Variants in RIMS1 observed in about 807,000 individuals in gnomAD.
RIMS1 encodes regulating synaptic membrane exocytosis protein 1.
Under a neutral mutation model 214.1 loss-of-function variants are expected in RIMS1, and 83 were observed. The observed-to-expected ratio is 0.39, with a 90% CI of 0.32 to 0.47. RIMS1 has a LOEUF of 0.47. RIMS1 is among the 20% of genes least tolerant of loss of function. The pLI is 0.99. For synonymous variants in RIMS1, 793 were observed against 786.8 expected (o/e 1.01, Z -0.13); for missense variants, 2,050 against 2,161.8 (o/e 0.95, Z 1.03).
At chr6:71,900,689 A>G (rs1393875373) in intron 1 of RIMS1, among the ~76,000 whole-genome samples, 1 of 152,088 alleles carries the variant, frequency 6.6e-6, no homozygotes, top group Non-Finnish European at 1.5e-5. Context: ...AAGTTTTGGG[A>G]GTATCTGGAG....
In RIMS1 at chr6:72,038,407, A is replaced by G. The variant is rs144473984; in HGVS notation, c.246-58542A>G. ...AAAATCTTTGGGAAAACAGTTTTTC[A>G]TAATTCAGTGCAATGTTTAAAGATA... On this transcript the variant is annotated intron_variant, in intron 2 of 33. Transcript: ENST00000521978. Among the ~76,000 whole-genome samples, 23 of 152,152 alleles carry G rather than the reference A, an allele frequency of 1.5e-4. No homozygotes were observed. The East Asian group carries it at 3.9e-3, about 26-fold the overall frequency.
chr6:72,111,027 A>C lies in RIMS1; in HGVS notation c.471+11041A>C, dbSNP rs79324044. On this transcript the variant is annotated intron_variant, in intron 4 of 33. Transcript: ENST00000521978. ...CTTCTTGTGTTTCCACCTCAAAACT[A>C]TTCTTTAAAAAGCAAAGTAATTTTG... Among the ~76,000 whole-genome samples the C allele has an allele frequency of 1.5e-4, 23 of 152,336 alleles. No homozygotes were observed. In the East Asian group the frequency reaches 2.9e-3, roughly 19 times the overall value.
chr6:72,393,795 G>A (rs2098739581), intron 31 of RIMS1, among the ~76,000 whole-genome samples: 1 of 151,990 alleles, frequency 6.6e-6, no homozygotes, highest in Non-Finnish European at 1.5e-5. Flanking sequence ...CAATATACTG[G>A]AAGCCAGAAG....
At chr6:72,397,791 C>A (rs2098796237) in intron 31 of RIMS1, among the ~76,000 whole-genome samples, 2 of 139,926 alleles carry the variant, frequency 1.4e-5, no homozygotes, top group African/African-American at 5.4e-5. Flanking sequence ...ATCATGATTG[C>A]TGATAGATAG....
At chr6:72,038,124 T>A (rs1302923388) in intron 2 of RIMS1, among the ~76,000 whole-genome samples, 125 of 73,152 alleles carry the variant, frequency 1.7e-3, no homozygotes, top group African/African-American at 2.4e-3. Context: ...AAAAAATATA[T>A]ATATATATAT....
intron 2 of RIMS1, among the ~76,000 whole-genome samples, chr6:72,042,786 T>G (rs1821824024): frequency 6.6e-6 from 1 of 151,834 alleles, no homozygotes; most frequent in Non-Finnish European, 1.5e-5. Context: ...TTATAAATGC[T>G]TTTAATATGC....
intron 1 of RIMS1, among the ~76,000 whole-genome samples, chr6:71,955,306 A>C (rs1046742754): frequency 8.5e-5 from 13 of 152,062 alleles, no homozygotes; most frequent in Admixed American, 7.2e-4. Context: ...AGCTGGGATT[A>C]CAGGTGCCAG....
At chr6:72,321,285 G>A (rs1182674737) in intron 28 of RIMS1, among the ~76,000 whole-genome samples, 1 of 151,948 alleles carries the variant, frequency 6.6e-6, no homozygotes, top group Non-Finnish European at 1.5e-5. Flanking sequence ...TTTATTATTT[G>A]TGACTCATTT....
intron 2 of RIMS1, among the ~76,000 whole-genome samples, chr6:72,012,011 C>T (rs1216129924): frequency 1.3e-5 from 2 of 152,158 alleles, no homozygotes; most frequent in Non-Finnish European, 2.9e-5. Context: ...AATCATGCTG[C>T]TATAAAGACA....
chr6:72,192,188 T>A (rs534449265), intron 6 of RIMS1, among the ~76,000 whole-genome samples: 1 of 152,212 alleles, frequency 6.6e-6, no homozygotes, highest in African/African-American at 2.4e-5. Context: ...ATTAATTACC[T>A]GACCTCCATA....
At chr6:72,238,157 T>G (rs536861531) in intron 9 of RIMS1, among the ~76,000 whole-genome samples, 25 of 152,096 alleles carry the variant, frequency 1.6e-4, no homozygotes, top group African/African-American at 5.8e-4. Flanking sequence ...AGAGTAAGGG[T>G]AGGAATCTTC....
intron 1 of RIMS1, among the ~76,000 whole-genome samples, chr6:71,899,909 G>A (rs184439737): frequency 6.6e-6 from 1 of 152,198 alleles, no homozygotes; most frequent in Admixed American, 6.5e-5. Flanking sequence ...TGTTCTTGAA[G>A]CAAAAATAGA....
At chr6:72,323,373 GT>G (rs1242511732) in intron 28 of RIMS1, among the ~76,000 whole-genome samples, 2 of 151,964 alleles carry the variant, frequency 1.3e-5, no homozygotes, top group East Asian at 3.9e-4. Flanking sequence ...TGATTAATAT[GT>G]TAAAGAAATC....
At chr6:72,248,738 A>T (rs532133503) in intron 12 of RIMS1, among the ~76,000 whole-genome samples, 1 of 152,292 alleles carries the variant, frequency 6.6e-6, no homozygotes, top group African/African-American at 2.4e-5. Context: ...TTTGTTTCAA[A>T]TTGTTACACA....
At chr6:72,325,511 G>C (rs1351532299) in intron 28 of RIMS1, among the ~76,000 whole-genome samples, 3 of 151,060 alleles carry the variant, frequency 2.0e-5, no homozygotes, top group African/African-American at 4.9e-5. Flanking sequence ...TGGGTATAAG[G>C]TTAACGTATG....
chr6:72,131,242 A>T (rs2040383281), intron 4 of RIMS1, among the ~76,000 whole-genome samples: 2 of 152,158 alleles, frequency 1.3e-5, no homozygotes, highest in African/African-American at 4.8e-5. Context: ...TTTCTCTCTA[A>T]AGATAAAGTA....
intron 2 of RIMS1, among the ~76,000 whole-genome samples, chr6:72,083,354 A>G (rs994785087): frequency 1.1e-4 from 17 of 152,100 alleles, no homozygotes; most frequent in African/African-American, 3.9e-4. Context: ...GTTGTGAATC[A>G]GCAATGACCA....
chr6:72,045,800 C>A (rs919948009), intron 2 of RIMS1, among the ~76,000 whole-genome samples: 1 of 150,128 alleles, frequency 6.7e-6, no homozygotes, highest in Non-Finnish European at 1.5e-5. Context: ...ATAATGTTTT[C>A]ATTTTGAATT....
chr6:72,332,361 A>G (rs2096692169), intron 28 of RIMS1, among the ~76,000 whole-genome samples: 2 of 151,758 alleles, frequency 1.3e-5, no homozygotes. Context: ...TAGATGGATA[A>G]TAAAGCTGCA....
Sources: allele counts gnomAD v4.1 joint callset (sites outside exome capture counted in the v4.1 genomes callset), GRCh38; gene constraint gnomAD v4.1.1; transcripts MANE v1.5; gene names NCBI Gene and HGNC (gene_info 2026-07-23, HGNC 2026-07-21).